HMX1: variants seen among roughly 807,000 people sequenced by gnomAD.
HMX1 encodes the protein homeobox protein HMX1.
In HMX1, 8 loss-of-function variants were observed where a neutral mutation model predicts 8.9. The ratio of observed to expected loss-of-function variants is 0.90; its 90% CI spans 0.53 to 1.63. HMX1 has a LOEUF of 1.63. Ranked by LOEUF, HMX1 falls within the 40% of genes most tolerant of loss-of-function variation. The pLI is 0.00. For missense variants in HMX1, 621 were observed against 558.5 expected (o/e 1.11, Z -1.13); for synonymous variants, 311 against 283.4 (o/e 1.10, Z -0.98).
chr4:8,857,479 C>T (rs1721646123), intron 1 of HMX1, among the ~76,000 whole-genome samples: 5 of 152,318 alleles, frequency 3.3e-5, no homozygotes, highest in Admixed American at 3.3e-4. Context: ...CAGGTCTCAC[C>T]CCGAGTTTCC....
intron 1 of HMX1, among the ~76,000 whole-genome samples, chr4:8,855,929 AT>A (rs1721595986): frequency 1.3e-5 from 2 of 152,170 alleles, no homozygotes; most frequent in Non-Finnish European, 2.9e-5. Flanking sequence ...TCCCCACTCA[AT>A]GTGGTGGGGT....
intron 1 of HMX1, among the ~76,000 whole-genome samples, chr4:8,857,244 G>T (rs1721635868): frequency 6.6e-6 from 1 of 152,206 alleles, no homozygotes; most frequent in African/African-American, 2.4e-5. Flanking sequence ...GATGGGGTTG[G>T]ACGCCGTCCC....
In HMX1 at chr4:8,847,762, T is replaced by A. The variant is rs547667959; in HGVS notation, c.395-1438A>T. ...CTCCTTCATTATATCCTGCATACAG[T>A]TGGTACTCTGTAATTGCTTTCTGGA... On this transcript the variant is annotated intron_variant, in intron 1 of 1. Transcript: ENST00000506970. The surrounding 1 kb of genome is among the most constrained non-coding windows in gnomAD (Gnocchi z 6.0). 6.6e-6 allele frequency among the ~76,000 whole-genome samples: 1 copy of A among 152,312 alleles called. No homozygotes were observed. The highest frequency in any genetic ancestry group is 1.9e-4 in the East Asian group (1 of 5,190).
At chr4:8,858,718 C>A (rs1001106553) in intron 1 of HMX1, 4 of 152,266 alleles carry the variant, frequency 2.6e-5, no homozygotes, top group African/African-American at 9.6e-5. Context: ...CCGCTAGGGA[C>A]GCTGAGCTCC....
At chr4:8,869,774 G>A (rs1722147501) in intron 1 of HMX1, among the ~76,000 whole-genome samples, 1 of 152,164 alleles carries the variant, frequency 6.6e-6, no homozygotes, top group Admixed American at 6.5e-5. Flanking sequence ...TGACTTGCCA[G>A]CTCCAGTGAG....
At chr4:8,858,328 A>C (rs150909708) in intron 1 of HMX1, among the ~76,000 whole-genome samples, 2,275 of 152,074 alleles carry the variant, frequency 0.015, 25 homozygotes, top group Non-Finnish European at 0.021. Context: ...GCAGAAAGAG[A>C]TGCCGACCGG....
intron 1 of HMX1, among the ~76,000 whole-genome samples, chr4:8,856,387 T>C (rs959607504): frequency 6.6e-6 from 1 of 152,048 alleles, no homozygotes; most frequent in Non-Finnish European, 1.5e-5. Context: ...TCTCTTCTGG[T>C]AGTGGTTTAT....
intron 1 of HMX1, among the ~76,000 whole-genome samples, chr4:8,850,671 G>C (rs8143174): frequency 2.0e-5 from 3 of 152,074 alleles, no homozygotes; most frequent in African/African-American, 7.2e-5. Flanking sequence ...CTTCAGTTCA[G>C]AATATTCTTC....
At position 8,868,136 on chromosome 4, in the gene HMX1, G is replaced by GGCC. The variant is rs2109473355; in HGVS notation, c.601_603dup (p.Gly201dup). Reference sequence around the variant, plus strand: ...AAGACTGTGCGCGTCTTCTTCTTTCGGCCGCCGCCCACGCCAACGCCGCCG... The same window carrying GGCC: ...AAGACTGTGCGCGTCTTCTTCTTTCGGCCGCCGCCGCCCACGCCAACGCCGCCG... On this transcript the variant is annotated inframe_insertion, in exon 2 of 2. Transcript: ENST00000400677. This position sits in a 1 kb window ranked among gnomAD's most constrained non-coding sequence, Gnocchi z 4.6. The GGCC allele has an allele frequency of 2.0e-6, 3 of 1,510,828 alleles. No homozygotes were observed. Among genetic ancestry groups the GGCC allele is most frequent in the Non-Finnish European group, 2.6e-6 (3 of 1,134,472 alleles). 93.6% of individuals were successfully genotyped at this position (1,510,828 alleles called of 1,614,324 possible).
chr4:8,857,692 G>A (rs1433576487), intron 1 of HMX1, among the ~76,000 whole-genome samples: 1 of 152,216 alleles, frequency 6.6e-6, no homozygotes, highest in African/African-American at 2.4e-5. Context: ...TCTGAGTCTG[G>A]GGGTTCGGGA....
chr4:8,871,673 C>T lies in HMX1; in HGVS notation c.-59G>A, dbSNP rs1293101534. On this transcript the variant is annotated 5_prime_UTR_variant, in exon 1 of 2. Coordinates refer to ENST00000400677, the MANE Select transcript of HMX1 (RefSeq NM_018942.3). This position sits in a 1 kb window ranked among gnomAD's most constrained non-coding sequence, Gnocchi z 4.8. ...CCTCGGTCCCCGCTGGGGATGGTGGCGCGCGGCTCCCGGGCGCACGCGCGG... is the reference window on the plus strand; with the variant it reads ...CCTCGGTCCCCGCTGGGGATGGTGGTGCGCGGCTCCCGGGCGCACGCGCGG... The T allele has an allele frequency of 1.0e-5, 12 of 1,153,472 alleles. No individual in the cohort carries two copies. The highest frequency in any genetic ancestry group is 1.3e-5 in the Non-Finnish European group (12 of 938,418). 71.5% of individuals were successfully genotyped at this position (1,153,472 alleles called of 1,614,324 possible).
At chr4:8,866,383 G>A (rs1396297108), downstream of HMX1, among the ~76,000 whole-genome samples, 2 of 152,210 alleles carry the variant, frequency 1.3e-5, no homozygotes, top group African/African-American at 2.4e-5. Flanking sequence ...TTTCAAACCC[G>A]AACAACATAT....
chr4:8,850,995 G>A (rs555588145), intron 1 of HMX1, among the ~76,000 whole-genome samples: 76 of 152,376 alleles, frequency 5.0e-4, no homozygotes, highest in African/African-American at 1.7e-3. Flanking sequence ...ATCCATTTCT[G>A]GGTCTTCGTG....
chr4:8,868,336 C>G lies in HMX1; in HGVS notation c.404G>C (p.Arg135Pro), dbSNP rs1181640390. Residue 135 changes from arginine to proline, a missense_variant, in exon 2 of 2, where the codon CGG becomes CCG. Coordinates refer to ENST00000400677, the MANE Select transcript of HMX1 (RefSeq NM_018942.3). The surrounding 1 kb of genome is among the most constrained non-coding windows in gnomAD (Gnocchi z 4.6). The stretch of plus-strand genomic sequence containing the variant: ...CTCCTCGCCCGTCTCCGGTGAGTCC[C>G]GGTCGCTGGCTGCAGGGGAGAGAGG... ...GGGLSPDTSDRDSPETGEEMG... is the reference protein window; with the variant it reads ...GGGLSPDTSDPDSPETGEEMG... The G allele has an allele frequency of 7.2e-7, 1 of 1,387,612 alleles. No individual in the cohort carries two copies. The highest frequency in any genetic ancestry group is 9.3e-7 in the Non-Finnish European group (1 of 1,080,250). The allele number at this position is 1,387,612 out of a possible 1,614,324, so 86.0% of individuals were successfully genotyped here. A position where few individuals can be genotyped will look rare whatever the true frequency, so the allele number is the denominator to read the frequency against.
chr4:8,846,964 G>A (rs1183272737), intron 1 of HMX1, among the ~76,000 whole-genome samples: 1 of 152,180 alleles, frequency 6.6e-6, no homozygotes, highest in Non-Finnish European at 1.5e-5. Flanking sequence ...CCCCCTGAGG[G>A]CAGGGTGCCA....
intron 1 of HMX1, among the ~76,000 whole-genome samples, chr4:8,850,311 C>T (rs1233957791): frequency 1.3e-5 from 2 of 152,162 alleles, no homozygotes; most frequent in African/African-American, 4.8e-5. Flanking sequence ...TCCCAGGCAC[C>T]ACCTTGGGGT....
At position 8,868,381 on chromosome 4, in the gene HMX1, G is replaced by C. The variant is rs1722102188; in HGVS notation, c.395-36C>G. ...GAGAGGGCACCACCGTTGGTTCTAG[G>C]GCACTGATTACCAGACTCAATCACT... On this transcript the variant is annotated intron_variant, in intron 1 of 1. Coordinates refer to ENST00000400677, the MANE Select transcript of HMX1 (RefSeq NM_018942.3). The surrounding 1 kb of genome is among the most constrained non-coding windows in gnomAD (Gnocchi z 4.6). 7.5e-7 allele frequency: 1 copy of C among 1,334,050 alleles called. No individual in the cohort carries two copies. The highest frequency in any genetic ancestry group is 4.0e-5 in the Admixed American group (1 of 25,256). 82.6% of individuals were successfully genotyped at this position (1,334,050 alleles called of 1,614,324 possible).
downstream of HMX1, among the ~76,000 whole-genome samples, chr4:8,866,440 A>C (rs946284199): frequency 3.3e-5 from 5 of 152,216 alleles, no homozygotes; most frequent in African/African-American, 1.2e-4. Flanking sequence ...TCCCCCACCC[A>C]AAAGCAGCCA....
At chr4:8,851,837 A>G (rs936124672) in intron 1 of HMX1, among the ~76,000 whole-genome samples, 1 of 152,162 alleles carries the variant, frequency 6.6e-6, no homozygotes, top group South Asian at 2.1e-4. Context: ...CATCATTCCC[A>G]CCAGCAGCCC....
Sources: allele counts gnomAD v4.1 joint callset (sites outside exome capture counted in the v4.1 genomes callset), GRCh38; gene constraint gnomAD v4.1.1; non-coding constraint Gnocchi (gnomAD v3.1); transcripts MANE v1.5; gene names NCBI Gene and HGNC (gene_info 2026-07-23, HGNC 2026-07-21).